ATXN7L2: variants seen among roughly 807,000 people sequenced by gnomAD.
ATXN7L2 encodes the protein ataxin-7-like protein 2.
ATXN7L2 carries 17 observed loss-of-function variants against 59.6 expected under a neutral mutation model. That is an observed-to-expected ratio of 0.29 (90% CI 0.20 to 0.43). ATXN7L2 has a LOEUF of 0.43. ATXN7L2 is among the 20% of genes least tolerant of loss of function. The probability of loss-of-function intolerance (pLI) is 1.00; values close to 1 mark genes in which losing one functional copy is unlikely to be tolerated. For missense variants in ATXN7L2, 858 were observed against 1,008.9 expected, an observed-to-expected ratio of 0.85 and a Z score of 2.03; for synonymous variants, 378 against 392.5, an observed-to-expected ratio of 0.96 and a Z score of 0.44.
At chr1:109,489,146 C>G (rs374989764) in intron 7 of ATXN7L2, 46 bp downstream of exon 7, 2 of 1,575,506 alleles carry the variant, frequency 1.3e-6, no homozygotes, top group Non-Finnish European at 1.7e-6. Context: ...GTACTTGGCC[C>G]CTAAGCCATC....
Position 109,487,052 on chromosome 1 carries a change from C to T in ATXN7L2, c.344C>T (p.Pro115Leu), listed in dbSNP as rs915602677. 1.2e-6 allele frequency: 2 copies of T among 1,611,446 alleles called. No homozygotes were observed. The highest frequency in any genetic ancestry group is 1.7e-6 in the Non-Finnish European group (2 of 1,178,898). ...AGCAAGCTTTATGGCCGGGCCCCACCCCCACCTCCAGCCCCTGCCAGCTCT... is the reference window on the plus strand; with the variant it reads ...AGCAAGCTTTATGGCCGGGCCCCACTCCCACCTCCAGCCCCTGCCAGCTCT... ...PLSKLYGRAP[P>L]PPPAPASSQK... The change falls in exon 4 of 11, where the codon CCC (proline) becomes CTC (leucine). Residue 115 changes from proline to leucine, a missense_variant. By Grantham distance (98) the Pro-to-Leu change is moderately conservative. This residue lies in a region of ATXN7L2 where 734 missense variants were observed against 862.3 expected (regional missense o/e 0.85). Transcript: ENST00000683729.
chr1:109,492,220 G>C, intron 10 of ATXN7L2: 1 of 685,728 alleles, frequency 1.5e-6, no homozygotes, highest in South Asian at 6.2e-5. Flanking sequence ...CAGGTGACAG[G>C]CAAGTTCTCC....
chr1:109,487,503 T>C lies in ATXN7L2; in HGVS notation c.510-15T>C. 9 of 1,468,482 alleles carry C rather than the reference T, an allele frequency of 6.1e-6. No individual in the cohort carries two copies. Among genetic ancestry groups the C allele is most frequent in the Non-Finnish European group, 7.2e-6 (8 of 1,109,918 alleles). 91.0% of individuals were successfully genotyped at this position (1,468,482 alleles called of 1,614,324 possible). ...CCCTCCCCTCCCTCAGCCAACCCCC[T>C]CTCTCTGTGTGTAGCCTTTTCGTGC... is the stretch of plus-strand genomic sequence containing the variant. On this transcript the variant is annotated splice_polypyrimidine_tract_variant and intron_variant, in intron 4 of 10. Transcript: ENST00000683729.
Position 109,488,788 on chromosome 1 carries a change from T to C in ATXN7L2, c.880-59T>C. On this transcript the variant is annotated intron_variant, in intron 6 of 10. Coordinates refer to ENST00000683729, the MANE Select transcript of ATXN7L2 (RefSeq NM_001350175.2). The surrounding 1 kb of genome is among the most constrained non-coding windows in gnomAD (Gnocchi z 5.0). ...TTGCCCGGGCCAAAGCACCCTGCCG[T>C]CCCTCACCCCTTCTCAGTTCATACC... 3 of 1,563,810 alleles carry C rather than the reference T, an allele frequency of 1.9e-6. No homozygotes were observed. The highest frequency in any genetic ancestry group is 2.6e-6 in the Non-Finnish European group (3 of 1,149,294).
At chr1:109,487,911 T>C in intron 5 of ATXN7L2, 107 bp downstream of exon 5, 11 of 1,339,544 alleles carry the variant, frequency 8.2e-6, no homozygotes, top group Non-Finnish European at 1.1e-5. Context: ...GGCCTGGCCA[T>C]CACAGGTTGT....
rs939221155 is a variant in ATXN7L2 at position 109,491,113 on chromosome 1, C to T, written c.1646C>T (p.Ala549Val). ...PSYPAGSPSV[A>V]AACSQAECMG... ...TACCCTGCAGGCTCCCCCAGCGTGG[C>T]GGCTGCCTGTAGCCAGGCAGAGTGC... Residue 549 changes from alanine to valine, a missense_variant, in exon 10 of 11, where the codon GCG (alanine) becomes GTG (valine). Transcript: ENST00000683729. The surrounding 1 kb of genome is among the most constrained non-coding windows in gnomAD (Gnocchi z 4.1). 5 of 1,613,116 alleles carry T rather than the reference C, an allele frequency of 3.1e-6. No homozygotes were observed. The highest frequency in any genetic ancestry group is 2.2e-5 in the East Asian group (1 of 44,892).
At chr1:109,485,214 A>ATT in intron 1 of ATXN7L2, 2 of 829,824 alleles carry the variant, frequency 2.4e-6, no homozygotes, top group Non-Finnish European at 2.8e-6. Flanking sequence ...CTCAGAATTG[A>ATT]TTTTTTTTTT....
At chr1:109,489,699 G>A in intron 7 of ATXN7L2, 1 of 577,838 alleles carries the variant, frequency 1.7e-6, no homozygotes, top group Non-Finnish European at 3.1e-6. Context: ...GGAGGAAGGG[G>A]CTGGGAGGTG....
chr1:109,485,193 G>A (rs1656486824), intron 1 of ATXN7L2: 1 of 838,506 alleles, frequency 1.2e-6, no homozygotes, highest in Non-Finnish European at 1.4e-6. Flanking sequence ...GGAGTCAGAC[G>A]GGTTTGGTGA....
intron 4 of ATXN7L2, 54 bp downstream of exon 4, chr1:109,487,271 G>A (rs1217658716): frequency 2.1e-6 from 3 of 1,433,970 alleles, no homozygotes; most frequent in Non-Finnish European, 2.8e-6. Flanking sequence ...ACCCATGGAT[G>A]GGCTGACATC....
chr1:109,488,602 G>A lies in ATXN7L2; in HGVS notation c.879+137G>A. 9.2e-7 allele frequency: 1 copy of A among 1,087,304 alleles called. No individual in the cohort carries two copies. The highest frequency in any genetic ancestry group is 1.3e-6 in the Non-Finnish European group (1 of 753,970). 67.4% of individuals were successfully genotyped at this position (1,087,304 alleles called of 1,614,324 possible). On this transcript the variant is annotated intron_variant, in intron 6 of 10. Coordinates refer to ENST00000683729, the MANE Select transcript of ATXN7L2 (RefSeq NM_001350175.2). This position sits in a 1 kb window ranked among gnomAD's most constrained non-coding sequence, Gnocchi z 5.0. The stretch of plus-strand genomic sequence containing the variant: ...CAGTTAGGCCCACCCAAGGGAAGGG[G>A]AGATGGGTATGCCCCTCCTGGGCAG...
At position 109,487,046 on chromosome 1, in the gene ATXN7L2, C is replaced by T. The variant is rs988910209; in HGVS notation, c.338C>T (p.Ala113Val). 1.2e-6 allele frequency: 2 copies of T among 1,609,846 alleles called. No individual in the cohort carries two copies. The highest frequency in any genetic ancestry group is 8.5e-7 in the Non-Finnish European group (1 of 1,178,070). The part of the protein sequence containing the change: ...HGPLSKLYGR[A>V]PPPPPAPASS... ...CCCCTCAGCAAGCTTTATGGCCGGGCCCCACCCCCACCTCCAGCCCCTGCC... is the reference window on the plus strand; with the variant it reads ...CCCCTCAGCAAGCTTTATGGCCGGGTCCCACCCCCACCTCCAGCCCCTGCC... Residue 113 changes from alanine (A) to valine (V), a missense_variant, in exon 4 of 11, where the codon GCC (alanine) becomes GTC (valine). Physicochemically the swap from Ala to Val is moderately conservative, Grantham distance 64. This residue lies in a region of ATXN7L2 where 734 missense variants were observed against 862.3 expected (regional missense o/e 0.85). Transcript: ENST00000683729.
In ATXN7L2 at chr1:109,488,500, A is replaced by G. The variant is rs1422593143; in HGVS notation, c.879+35A>G. 2 of 1,567,628 alleles carry G rather than the reference A, an allele frequency of 1.3e-6. No individual in the cohort carries two copies. The highest frequency in any genetic ancestry group is 1.7e-6 in the Non-Finnish European group (2 of 1,143,152). On this transcript the variant is annotated intron_variant, in intron 6 of 10. Coordinates refer to ENST00000683729, the MANE Select transcript of ATXN7L2 (RefSeq NM_001350175.2). This position sits in a 1 kb window ranked among gnomAD's most constrained non-coding sequence, Gnocchi z 5.0. ...TTCCCACTGCACGGTGAGGGAGGAC[A>G]GCACAGGGCTTGCCCACTCCTTCCC...
At position 109,489,098 on chromosome 1, in the gene ATXN7L2, C is replaced by G; in HGVS notation, c.1131C>G (p.Pro377=). ...AKQTYPYCAL[P]RSRASSESEL... ...AGACCTACCCATACTGTGCACTGCC[C>G]AGGTACGTCTAGAATCCAACCCCTA... The change falls in exon 7 of 11, where the codon CCC becomes CCG. Residue 377 remains proline, a splice_region_variant and synonymous_variant. Coordinates refer to ENST00000683729, the MANE Select transcript of ATXN7L2 (RefSeq NM_001350175.2). 6.2e-7 allele frequency: 1 copy of G among 1,611,694 alleles called. No individual in the cohort carries two copies. Among genetic ancestry groups the G allele is most frequent in the Non-Finnish European group, 8.5e-7 (1 of 1,178,054 alleles).
chr1:109,489,822 G>T (rs1656891031), intron 7 of ATXN7L2, 108 bp from the exon 8 acceptor site: 1 of 1,149,468 alleles, frequency 8.7e-7, no homozygotes, highest in Admixed American at 1.9e-5. Context: ...TTGCCCTGCA[G>T]GGTGTCTGCC....
chr1:109,485,245 C>T (rs1656492761), intron 1 of ATXN7L2: 2 of 846,956 alleles, frequency 2.4e-6, no homozygotes, highest in Admixed American at 3.3e-4. Flanking sequence ...AGGGAGGGGG[C>T]GTAGAGGAGG....
In ATXN7L2 at chr1:109,488,294, G is replaced by C; in HGVS notation, c.797-89G>C. ...TGGAGTCTCTTCTGCCTTAGTACCA[G>C]TTCTCAGGCCCTTGGCAGGAAGCGG... On this transcript the variant is annotated intron_variant, in intron 5 of 10. Transcript: ENST00000683729. This position sits in a 1 kb window ranked among gnomAD's most constrained non-coding sequence, Gnocchi z 5.0. The C allele has an allele frequency of 7.8e-7, 1 of 1,285,008 alleles. No individual in the cohort carries two copies. The highest frequency in any genetic ancestry group is 2.0e-5 in the Admixed American group (1 of 50,634). 79.6% of individuals were successfully genotyped at this position (1,285,008 alleles called of 1,614,324 possible).
chr1:109,490,132 AGGACCTGGAATAGG>A lies in ATXN7L2; in HGVS notation c.1332+7_1332+20del. ...CCGGCCCCCACGGCCACAGGCGGTA[AGGACCTGGAATAGG>A]GGCCTATGGAGGGGGTGGCCCAGCA... On this transcript the variant is annotated splice_donor_5th_base_variant and intron_variant, in intron 8 of 10. Coordinates refer to ENST00000683729, the MANE Select transcript of ATXN7L2 (RefSeq NM_001350175.2). 3 of 1,565,492 alleles carry A rather than the reference AGGACCTGGAATAGG, an allele frequency of 1.9e-6. No homozygotes were observed. The highest frequency in any genetic ancestry group is 2.6e-6 in the Non-Finnish European group (3 of 1,155,696).
At chr1:109,484,930 C>T (rs573394961) in intron 1 of ATXN7L2, among the ~76,000 whole-genome samples, 1 of 152,304 alleles carries the variant, frequency 6.6e-6, no homozygotes, top group African/African-American at 2.4e-5. Flanking sequence ...ATCCATCATT[C>T]CCCGCACTTG....
Sources: allele counts gnomAD v4.1 joint callset (sites outside exome capture counted in the v4.1 genomes callset), GRCh38; gene constraint gnomAD v4.1.1; regional missense constraint gnomAD v4.1.1; non-coding constraint Gnocchi (gnomAD v3.1); transcripts MANE v1.5; gene names NCBI Gene and HGNC (gene_info 2026-07-23, HGNC 2026-07-21).